Variants in ITGA1 observed in about 807,000 individuals in gnomAD.
The protein encoded by ITGA1 is integrin subunit alpha 1.
Under a neutral mutation model 145.9 loss-of-function variants are expected in ITGA1, and 85 were observed. The ratio of observed to expected loss-of-function variants is 0.58; its 90% CI spans 0.49 to 0.70. The LOEUF (loss-of-function observed/expected upper bound fraction) is 0.70. ITGA1 is among the 30% of genes least tolerant of loss of function. The pLI, the probability that ITGA1 is intolerant of heterozygous loss-of-function variation, is 0.00. For synonymous variants in ITGA1, 520 were observed against 495.3 expected, an observed-to-expected ratio of 1.05 and a Z score of -0.66; for missense variants, 1,351 against 1,418.7, an observed-to-expected ratio of 0.95 and a Z score of 0.77.
chr5:52,868,730 A>G (rs1749728520), intron 6 of ITGA1, among the ~76,000 whole-genome samples: 1 of 152,190 alleles, frequency 6.6e-6, no homozygotes, highest in African/African-American at 2.4e-5. Flanking sequence ...ATCCACAGAG[A>G]AGAATATTTC....
Position 52,953,740 on chromosome 5 carries a change from A to G in ITGA1, c.*1289A>G, listed in dbSNP as rs1193732350. ...GTAGCATAAGCTCCTAGGTTGCTCC[A>G]TTTCTTAGGAAAATAGCAATGAATG... On this transcript the variant is annotated 3_prime_UTR_variant, in exon 29 of 29. Transcript: ENST00000282588. 6.6e-6 allele frequency: 1 copy of G among 152,156 alleles called. No individual in the cohort carries two copies. The highest frequency in any genetic ancestry group is 1.5e-5 in the Non-Finnish European group (1 of 68,032). 9.4% of individuals were successfully genotyped at this position (152,156 alleles called of 1,614,324 possible).
chr5:52,893,268 A>G (rs1287260212), intron 8 of ITGA1, among the ~76,000 whole-genome samples: 2 of 152,198 alleles, frequency 1.3e-5, no homozygotes, highest in Non-Finnish European at 2.9e-5. Flanking sequence ...TGCTCATTCA[A>G]AAGCAGGCAA....
intron 3 of ITGA1, among the ~76,000 whole-genome samples, chr5:52,863,675 G>T (rs1749641549): frequency 6.6e-6 from 1 of 151,986 alleles, no homozygotes; most frequent in Non-Finnish European, 1.5e-5. Flanking sequence ...TGTTTTGTTA[G>T]GAGTTACTCC....
At chr5:52,929,331 G>A (rs1410343724) in intron 20 of ITGA1, among the ~76,000 whole-genome samples, 1 of 152,116 alleles carries the variant, frequency 6.6e-6, no homozygotes, top group Admixed American at 6.5e-5. Context: ...CTGCCCAAAG[G>A]CCCCATCTCC....
chr5:52,801,133 T>A, intron 1 of ITGA1: 4 of 1,578,414 alleles, frequency 2.5e-6, no homozygotes, highest in Admixed American at 1.8e-5. Context: ...AAAACAATCT[T>A]ACCCAGGGAT....
chr5:52,890,469 A>G (rs1261468478), intron 8 of ITGA1, among the ~76,000 whole-genome samples: 2 of 152,370 alleles, frequency 1.3e-5, no homozygotes, highest in Non-Finnish European at 2.9e-5. Flanking sequence ...AGTGTGCACG[A>G]AGTGAACAAT....
intron 1 of ITGA1, chr5:52,801,689 T>C: frequency 6.2e-7 from 1 of 1,614,174 alleles, no homozygotes; most frequent in Non-Finnish European, 8.5e-7. Flanking sequence ...GTGGACAGTG[T>C]GAAAGAGAAT....
intron 14 of ITGA1, among the ~76,000 whole-genome samples, chr5:52,914,506 C>T (rs1000240011): frequency 2.6e-5 from 4 of 151,532 alleles, no homozygotes; most frequent in Non-Finnish European, 4.4e-5. Flanking sequence ...CATGGTGGCG[C>T]GCACCTGTAA....
intron 1 of ITGA1, among the ~76,000 whole-genome samples, chr5:52,814,147 G>A (rs1481475379): frequency 3.3e-5 from 5 of 152,008 alleles, no homozygotes; most frequent in Admixed American, 3.3e-4. Context: ...TTGTTTTTTG[G>A]TTTGTTTGTT....
chr5:52,897,542 T>C lies in ITGA1; in HGVS notation c.1164+14T>C, dbSNP rs1422615042. The C allele has an allele frequency of 2.5e-6, 4 of 1,605,108 alleles. No individual in the cohort carries two copies. Among genetic ancestry groups the C allele is most frequent in the East Asian group, 4.5e-5 (2 of 44,826 alleles). ...CATTATTCACAGGTATGTTGACCAG[T>C]TGGTGAAAAATGAAATATATGTTTG... On this transcript the variant is annotated intron_variant, in intron 10 of 28. Transcript: ENST00000282588.
chr5:52,822,482 T>C (rs935142280), intron 1 of ITGA1, among the ~76,000 whole-genome samples: 1 of 152,314 alleles, frequency 6.6e-6, no homozygotes, highest in African/African-American at 2.4e-5. Flanking sequence ...CTCAAACTCA[T>C]AGAGGCATCT....
chr5:52,877,707 G>A (rs548812709), intron 6 of ITGA1, among the ~76,000 whole-genome samples: 2 of 152,322 alleles, frequency 1.3e-5, no homozygotes, highest in South Asian at 2.1e-4. Context: ...TCACGGAGCC[G>A]TAAGGCCACC....
At chr5:52,820,227 C>A (rs1580046817) in intron 1 of ITGA1, among the ~76,000 whole-genome samples, 2 of 151,666 alleles carry the variant, frequency 1.3e-5, no homozygotes, top group South Asian at 4.2e-4. Context: ...TTTGTAGGGA[C>A]ATGGATGAAG....
intron 1 of ITGA1, among the ~76,000 whole-genome samples, chr5:52,791,850 A>G (rs1748248835): frequency 6.6e-6 from 1 of 152,232 alleles, no homozygotes; most frequent in African/African-American, 2.4e-5. Context: ...TTAAGAAGTT[A>G]ATTTCATTTG....
At chr5:52,894,426 T>A (rs1459121689) in intron 9 of ITGA1, among the ~76,000 whole-genome samples, 1 of 152,168 alleles carries the variant, frequency 6.6e-6, no homozygotes, top group African/African-American at 2.4e-5. Flanking sequence ...GGTGACTGGC[T>A]GTTGAGGATA....
intron 11 of ITGA1, chr5:52,902,046 T>C (rs1213376070): frequency 1.3e-5 from 2 of 151,896 alleles, no homozygotes; most frequent in East Asian, 3.9e-4. Context: ...GTTTTCAAAA[T>C]GTTTCTTTGT....
chr5:52,937,048 TAA>T (rs3841535), intron 23 of ITGA1, among the ~76,000 whole-genome samples: 60 of 121,690 alleles, frequency 4.9e-4, no homozygotes, highest in African/African-American at 5.7e-4. Flanking sequence ...ACTGGTATGT[TAA>T]AAAAAAAAAA....
At chr5:52,815,366 C>T (rs1748749783) in intron 1 of ITGA1, among the ~76,000 whole-genome samples, 1 of 152,174 alleles carries the variant, frequency 6.6e-6, no homozygotes, top group Non-Finnish European at 1.5e-5. Context: ...ATAAAACATT[C>T]AAAATAGTGA....
At chr5:52,932,928 C>T (rs1313698777) in intron 22 of ITGA1, 1 of 151,880 alleles carries the variant, frequency 6.6e-6, no homozygotes, top group African/African-American at 2.4e-5. Context: ...GCTAATTTAC[C>T]CAAGGTTATA....
Sources: allele counts gnomAD v4.1 joint callset (sites outside exome capture counted in the v4.1 genomes callset), GRCh38; gene constraint gnomAD v4.1.1; transcripts MANE v1.5; gene names NCBI Gene and HGNC (gene_info 2026-07-23, HGNC 2026-07-21).